The following PTGDS variants were observed in gnomAD, a reference collection of about 807,000 sequenced individuals.
PTGDS encodes prostaglandin-H2 D-isomerase.
PTGDS carries 21 observed loss-of-function variants against 28.4 expected under a neutral mutation model. The ratio of observed to expected loss-of-function variants is 0.74; its 90% confidence interval spans 0.52 to 1.07. PTGDS has a LOEUF of 1.07. PTGDS is among the 50% of genes least tolerant of loss of function. The pLI is 0.00. For synonymous variants in PTGDS, 102 were observed against 106.0 expected, an observed-to-expected ratio of 0.96 and a Z score of 0.23; for missense variants, 243 against 247.7, an observed-to-expected ratio of 0.98 and a Z score of 0.13.
chr9:136,977,616 T>G lies in PTGDS; in HGVS notation c.38T>G (p.Leu13Arg). 1 of 1,609,576 alleles carries G rather than the reference T, an allele frequency of 6.2e-7. No individual in the cohort carries two copies. Among genetic ancestry groups the G allele is most frequent in the Non-Finnish European group, 8.5e-7 (1 of 1,178,644 alleles). ...THHTLWMGLA[L>R]LGVLGDLQAA... ...CACACACTGTGGATGGGACTGGCCCTGCTGGGGGTGCTGGGCGACCTGCAG... is the reference window on the plus strand; with the variant it reads ...CACACACTGTGGATGGGACTGGCCCGGCTGGGGGTGCTGGGCGACCTGCAG... Residue 13 changes from leucine to arginine, a missense_variant, in exon 1 of 7, where the codon CTG (leucine) becomes CGG (arginine). Coordinates refer to ENST00000371625, the MANE Select transcript of PTGDS (RefSeq NM_000954.6).
In PTGDS at chr9:136,977,649, C is replaced by T. The variant is rs750503509; in HGVS notation, c.71C>T (p.Pro24Leu). 5.6e-6 allele frequency: 9 copies of T among 1,607,628 alleles called. No individual in the cohort carries two copies. The highest frequency in any genetic ancestry group is 1.6e-4 in the Middle Eastern group (1 of 6,068). ...LGVLGDLQAA[P>L]EAQVSVQPNF... ...GTGCTGGGCGACCTGCAGGCAGCAC[C>T]GGAGGCCCAGGTCTCCGTGCAGCCC... Residue 24 changes from proline to leucine, a missense_variant, in exon 1 of 7, where the codon CCG (proline) becomes CTG (leucine). Transcript: ENST00000371625.
In PTGDS at chr9:136,980,414, G is replaced by A. The variant is rs977599052; in HGVS notation, c.550+130G>A. 3.6e-5 allele frequency: 38 copies of A among 1,058,550 alleles called. No individual in the cohort carries two copies. In the African/African-American group the frequency reaches 4.5e-4, roughly 12 times the overall value. 65.6% of individuals were successfully genotyped at this position (1,058,550 alleles called of 1,614,324 possible). A position where few individuals can be genotyped will look rare whatever the true frequency, so the allele number is the denominator to read the frequency against. On this transcript the variant is annotated intron_variant, in intron 5 of 6. Coordinates refer to ENST00000371625, the MANE Select transcript of PTGDS (RefSeq NM_000954.6). ...CTCGAGGCCTGGGCCAGGGACAGAG[G>A]GGGTGAGTGTTCAAGTCAGAACCTC...
At chr9:136,979,833 G>A (rs912310210) in intron 3 of PTGDS, 113 bp from the exon 4 acceptor site, 16 of 1,024,632 alleles carry the variant, frequency 1.6e-5, no homozygotes, top group South Asian at 2.6e-5. Flanking sequence ...GGAGCATCCC[G>A]GGCCAGCCGA....
chr9:136,977,872 C>T (rs1830390069), intron 1 of PTGDS, among the ~76,000 whole-genome samples, 180 bp downstream of exon 1: 1 of 152,018 alleles, frequency 6.6e-6, no homozygotes, highest in African/African-American at 2.4e-5. Flanking sequence ...GGAGGCTGCC[C>T]GCGAGAAGCC....
chr9:136,980,579 G>T, intron 5 of PTGDS: 1 of 1,322,986 alleles, frequency 7.6e-7, no homozygotes. Context: ...TGCCCATGGG[G>T]GATACAGGGG....
At chr9:136,978,864 C>G (rs1362239269) in intron 1 of PTGDS, 129 bp from the exon 2 acceptor site, 1 of 1,027,318 alleles carries the variant, frequency 9.7e-7, no homozygotes, top group Admixed American at 4.0e-5. Context: ...CGTGGCTGCT[C>G]GGGGGATTGG....
At chr9:136,980,609 A>G in intron 5 of PTGDS, 2 of 1,484,644 alleles carry the variant, frequency 1.3e-6, no homozygotes, top group Non-Finnish European at 1.8e-6. Context: ...TACTGGGCTC[A>G]GGCACAGCCT....
chr9:136,980,575 TG>T, intron 5 of PTGDS: 1 of 1,291,286 alleles, frequency 7.7e-7, no homozygotes, highest in Non-Finnish European at 1.1e-6. Context: ...AGGGTGCCCA[TG>T]GGGGATACAG....
chr9:136,981,164 C>T (rs753914453), intron 6 of PTGDS: 49 of 403,900 alleles, frequency 1.2e-4, no homozygotes, highest in Middle Eastern at 6.2e-4. Context: ...GGGGCTATAC[C>T]ACAGGGACCA....
At chr9:136,979,631 G>T in intron 3 of PTGDS, 1 of 656,242 alleles carries the variant, frequency 1.5e-6, no homozygotes, top group South Asian at 1.9e-5. Context: ...GGACCCAGGG[G>T]TTTCCTCACT....
At chr9:136,980,769 C>T in intron 5 of PTGDS, 64 bp from the exon 6 acceptor site, 7 of 1,613,922 alleles carry the variant, frequency 4.3e-6, no homozygotes, top group Non-Finnish European at 5.9e-6. Flanking sequence ...GAACAGGAAG[C>T]CCAGTGGGAA....
intron 1 of PTGDS, among the ~76,000 whole-genome samples, chr9:136,978,119 C>A (rs1311221779): frequency 6.6e-6 from 1 of 152,152 alleles, no homozygotes; most frequent in African/African-American, 2.4e-5. Context: ...CAGCCGGCGA[C>A]GCGCGCTCTC....
chr9:136,977,845 G>T (rs941640282), intron 1 of PTGDS, among the ~76,000 whole-genome samples, 153 bp downstream of exon 1: 3 of 91,870 alleles, frequency 3.3e-5, no homozygotes, highest in African/African-American at 9.4e-5. Flanking sequence ...CAGGAAGGAG[G>T]CTGGGTAGCC....
At position 136,978,780 on chromosome 9, in the gene PTGDS, T is replaced by A. The variant is rs1458076542; in HGVS notation, c.115-213T>A. The A allele has an allele frequency of 1.8e-4, 63 of 348,494 alleles. No homozygotes were observed. In the African/African-American group the frequency reaches 2.8e-3, roughly 16 times the overall value. 21.6% of individuals were successfully genotyped at this position (348,494 alleles called of 1,614,324 possible). A position where few individuals can be genotyped will look rare whatever the true frequency, so the allele number is the denominator to read the frequency against. On this transcript the variant is annotated intron_variant, in intron 1 of 6. Coordinates refer to ENST00000371625, the MANE Select transcript of PTGDS (RefSeq NM_000954.6). Reference sequence around the variant, plus strand: ...GCGTGGTCAGCTCCTGGGGCGGAGATGTGAGGGGCGGGGTCATCTCCTGGG... The same window carrying A: ...GCGTGGTCAGCTCCTGGGGCGGAGAAGTGAGGGGCGGGGTCATCTCCTGGG...
chr9:136,978,916 G>A (rs1305312646), intron 1 of PTGDS, 77 bp from the exon 2 acceptor site: 1 of 1,564,730 alleles, frequency 6.4e-7, no homozygotes, highest in Non-Finnish European at 8.6e-7. Flanking sequence ...GGAGTAGACG[G>A]CAGAGGCGCC....
rs1162881686 is a variant in PTGDS, at chr9:136,979,097, G to T, written c.219G>T (p.Thr73=). The T allele has an allele frequency of 6.2e-7, 1 of 1,611,794 alleles. No homozygotes were observed. The highest frequency in any genetic ancestry group is 8.5e-7 in the Non-Finnish European group (1 of 1,179,362). The change falls in exon 2 of 7, where the codon ACG becomes ACT. Residue 73 remains threonine (T), a synonymous_variant. Transcript: ENST00000371625. ...GCAAGTCTGTGGTGGCCCCTGCCACGGATGGTGGCCTCAACCTGACCTCCA... is the reference window on the plus strand; with the variant it reads ...GCAAGTCTGTGGTGGCCCCTGCCACTGATGGTGGCCTCAACCTGACCTCCA... ...SMCKSVVAPA[T]DGGLNLTSTF... is the part of the protein sequence containing the mutation.
In PTGDS at chr9:136,980,074, G is replaced by A. The variant is rs372776370; in HGVS notation, c.448+12G>A. On this transcript the variant is annotated intron_variant, in intron 4 of 6. Transcript: ENST00000371625. Reference sequence around the variant, plus strand: ...GGCCACCCTCTACAGTACGTGCCCCGTGGACGCCGCCCACACGCAGGCCTG... The same window carrying A: ...GGCCACCCTCTACAGTACGTGCCCCATGGACGCCGCCCACACGCAGGCCTG... 4.5e-5 allele frequency: 72 copies of A among 1,608,650 alleles called. No homozygotes were observed. The highest frequency in any genetic ancestry group is 2.6e-4 in the South Asian group (24 of 90,818).
At chr9:136,979,916 C>A in intron 3 of PTGDS, 30 bp from the exon 4 acceptor site, 1 of 1,597,208 alleles carries the variant, frequency 6.3e-7, no homozygotes, top group South Asian at 1.1e-5. Context: ...GGGGCTGAGT[C>A]CCCGACAGGG....
At chr9:136,979,615 TC>T in intron 3 of PTGDS, 1 of 702,926 alleles carries the variant, frequency 1.4e-6, no homozygotes. Context: ...CCAATTCTCC[TC>T]CCCAGGACCC....
Sources: allele counts gnomAD v4.1 joint callset (sites outside exome capture counted in the v4.1 genomes callset), GRCh38; gene constraint gnomAD v4.1.1; transcripts MANE v1.5; gene names NCBI Gene and HGNC (gene_info 2026-07-23, HGNC 2026-07-21).